ZFAND3: variants seen among roughly 807,000 people sequenced by gnomAD.
ZFAND3 encodes the protein zinc finger AN1-type containing 3.
A neutral mutation model predicts 29.6 loss-of-function variants in ZFAND3; 10 were observed. The observed-to-expected ratio is 0.34, with a 90% confidence interval of 0.21 to 0.57. The LOEUF (loss-of-function observed/expected upper bound fraction) is 0.57. Among genes scored for constraint, ZFAND3 ranks in the 20% least tolerant of loss-of-function variants. ZFAND3 has a pLI of 0.86. For missense variants in ZFAND3, 230 were observed against 304.5 expected, an observed-to-expected ratio of 0.76 and a Z score of 1.82; for synonymous variants, 128 against 112.6, an observed-to-expected ratio of 1.14 and a Z score of -0.87.
In ZFAND3 at chr6:38,154,407, A is replaced by C. The variant is rs1766309332; in HGVS notation, c.*2018A>C. 1.0e-6 allele frequency: 1 copy of C among 985,446 alleles called. No individual in the cohort carries two copies. The highest frequency in any genetic ancestry group is 1.2e-6 in the Non-Finnish European group (1 of 829,708). The allele number at this position is 985,446 out of a possible 1,614,324, so 61.0% of individuals were successfully genotyped here. A position where few individuals can be genotyped will look rare whatever the true frequency, so the allele number is the denominator to read the frequency against. On this transcript the variant is annotated 3_prime_UTR_variant, in exon 6 of 6. Coordinates refer to ENST00000287218, the MANE Select transcript of ZFAND3 (RefSeq NM_021943.3). ...TGGGGGGTGGGGCTTGTTCCCCTGCAGTATCTGTTCTGTGAAGTTTGTTAA... is the reference window on the plus strand; with the variant it reads ...TGGGGGGTGGGGCTTGTTCCCCTGCCGTATCTGTTCTGTGAAGTTTGTTAA...
chr6:38,000,667 A>G (rs1303331925), intron 2 of ZFAND3, among the ~76,000 whole-genome samples: 1 of 152,202 alleles, frequency 6.6e-6, no homozygotes, highest in Non-Finnish European at 1.5e-5. Flanking sequence ...CATGACACGT[A>G]GGAATTATTC....
intron 2 of ZFAND3, among the ~76,000 whole-genome samples, chr6:38,056,817 T>C (rs1581879306): frequency 6.6e-6 from 1 of 150,802 alleles, no homozygotes; most frequent in Non-Finnish European, 1.5e-5. Context: ...CATATCTTTG[T>C]TGAGAAATTA....
chr6:37,876,209 A>G (rs544665006), intron 1 of ZFAND3, among the ~76,000 whole-genome samples: 34 of 152,366 alleles, frequency 2.2e-4, no homozygotes, highest in Non-Finnish European at 4.0e-4. Flanking sequence ...CACAGCAGAA[A>G]TGAAATCAGT....
chr6:38,109,536 G>T (rs1309699530), intron 4 of ZFAND3, among the ~76,000 whole-genome samples: 1 of 151,940 alleles, frequency 6.6e-6, no homozygotes, highest in Non-Finnish European at 1.5e-5. Context: ...TTCCCCCATG[G>T]CCCATTAGCT....
chr6:38,014,805 A>G (rs1763226031), intron 2 of ZFAND3, among the ~76,000 whole-genome samples: 1 of 152,170 alleles, frequency 6.6e-6, no homozygotes, highest in South Asian at 2.1e-4. Context: ...TCTTGAGGAT[A>G]CAGGGAAGAT....
At chr6:38,123,732 G>A (rs887181290) in intron 5 of ZFAND3, among the ~76,000 whole-genome samples, 2 of 151,890 alleles carry the variant, frequency 1.3e-5, no homozygotes, top group African/African-American at 2.4e-5. Flanking sequence ...TGAGTGTTAC[G>A]GTTCTTAAAG....
At chr6:38,109,946 G>A (rs1765282289) in intron 4 of ZFAND3, among the ~76,000 whole-genome samples, 1 of 152,120 alleles carries the variant, frequency 6.6e-6, no homozygotes, top group African/African-American at 2.4e-5. Context: ...CAAAGCTCAG[G>A]TGCACTCCCA....
intron 1 of ZFAND3, among the ~76,000 whole-genome samples, chr6:37,852,513 C>T (rs1764299035): frequency 6.6e-6 from 1 of 152,208 alleles, no homozygotes; most frequent in East Asian, 1.9e-4. Context: ...ATTGTGGTGT[C>T]TCTATCACCT....
intron 2 of ZFAND3, among the ~76,000 whole-genome samples, chr6:38,021,436 A>G (rs1005430279): frequency 2.6e-5 from 4 of 152,068 alleles, no homozygotes; most frequent in African/African-American, 9.7e-5. Flanking sequence ...TTTTCCCTTG[A>G]TAAAACCAAG....
At chr6:38,015,540 G>A (rs763730074) in intron 2 of ZFAND3, among the ~76,000 whole-genome samples, 1 of 152,154 alleles carries the variant, frequency 6.6e-6, no homozygotes, top group African/African-American at 2.4e-5. Flanking sequence ...TTAGAAACAA[G>A]CCAACTCTCC....
chr6:38,097,124 G>A (rs1369707596), intron 4 of ZFAND3, among the ~76,000 whole-genome samples: 3 of 152,246 alleles, frequency 2.0e-5, no homozygotes, highest in South Asian at 4.1e-4. Context: ...CACCTAGTCT[G>A]GAGTGCAGTG....
intron 1 of ZFAND3, among the ~76,000 whole-genome samples, chr6:37,822,292 C>T (rs1313114020): frequency 6.6e-6 from 1 of 152,178 alleles, no homozygotes; most frequent in Non-Finnish European, 1.5e-5. Flanking sequence ...TTCAGTTTAC[C>T]TAGCAGGAGT....
At chr6:37,904,128 A>T (rs918582717) in intron 1 of ZFAND3, among the ~76,000 whole-genome samples, 3 of 152,170 alleles carry the variant, frequency 2.0e-5, no homozygotes, top group African/African-American at 7.2e-5. Flanking sequence ...TCTGACATAC[A>T]TAAGGTTGTC....
intron 1 of ZFAND3, among the ~76,000 whole-genome samples, chr6:37,896,617 TTTTCTTTC>T (rs149096248): frequency 0.065 from 9,730 of 149,922 alleles, 386 homozygotes; most frequent in Non-Finnish European, 0.084. Context: ...TCTTTCTTTC[TTTTCTTTC>T]TTTCTTGCCT....
chr6:37,911,765 A>T (rs556319669), intron 1 of ZFAND3, among the ~76,000 whole-genome samples: 39 of 152,324 alleles, frequency 2.6e-4, no homozygotes, highest in African/African-American at 9.1e-4. Flanking sequence ...CTTGTTAGAC[A>T]TTCAGTTCAA....
chr6:37,896,554 C>CTTTCTTTCTTTTCT (rs1554153844), intron 1 of ZFAND3, among the ~76,000 whole-genome samples: 2 of 137,698 alleles, frequency 1.5e-5, no homozygotes, highest in Non-Finnish European at 3.1e-5. Context: ...TTCTTTCTTT[C>CTTTCTTTCTTTTCT]TTTCTTTCTT....
At chr6:38,026,156 C>G (rs1251500781) in intron 2 of ZFAND3, among the ~76,000 whole-genome samples, 1 of 152,164 alleles carries the variant, frequency 6.6e-6, no homozygotes, top group Non-Finnish European at 1.5e-5. Context: ...CAGCAAACCT[C>G]TTAATGTCTC....
intron 1 of ZFAND3, among the ~76,000 whole-genome samples, chr6:37,833,758 G>A (rs1361153397): frequency 6.6e-6 from 1 of 151,208 alleles, no homozygotes; most frequent in Non-Finnish European, 1.5e-5. Context: ...CCTGGGAGGT[G>A]GAGGCTGCAG....
intron 2 of ZFAND3, among the ~76,000 whole-genome samples, chr6:38,003,524 G>C (rs925572560): frequency 2.0e-5 from 3 of 149,620 alleles, no homozygotes; most frequent in Non-Finnish European, 4.4e-5. Flanking sequence ...TTGAGACGGT[G>C]CCTCACTTTT....
Sources: gnomAD v4.1 joint callset for allele counts (sites outside exome capture counted in the v4.1 genomes callset) on GRCh38, gnomAD v4.1.1 for gene constraint, MANE v1.5 for transcripts, NCBI Gene and HGNC (gene_info 2026-07-23, HGNC 2026-07-21) for gene names.